FCGR1A: variants seen among roughly 807,000 people sequenced by gnomAD.
FCGR1A encodes the protein high affinity immunoglobulin gamma Fc receptor I.
A neutral mutation model predicts 35.0 loss-of-function variants in FCGR1A; 13 were observed. The observed-to-expected ratio is 0.37, with a 90% CI of 0.24 to 0.59. FCGR1A has a LOEUF of 0.59. Among genes scored for constraint, FCGR1A ranks in the 20% least tolerant of loss-of-function variants. The pLI, the probability that FCGR1A is intolerant of heterozygous loss-of-function variation, is 0.71. For synonymous variants in FCGR1A, 91 were observed against 164.7 expected, an observed-to-expected ratio of 0.55 and a Z score of 3.43; for missense variants, 227 against 430.0, an observed-to-expected ratio of 0.53 and a Z score of 4.17.
chr1:149,784,308 C>G, intron 3 of FCGR1A, 51 bp downstream of exon 3: 1 of 1,610,162 alleles, frequency 6.2e-7, no homozygotes, highest in South Asian at 1.1e-5. Flanking sequence ...TCTTCCTCTG[C>G]GTTCTCTCCT....
At chr1:149,790,693 C>A (rs1332574464) in intron 5 of FCGR1A, among the ~76,000 whole-genome samples, 3 of 150,480 alleles carry the variant, frequency 2.0e-5, no homozygotes, top group East Asian at 2.0e-4. Flanking sequence ...TGCTTCCCTG[C>A]CTCCCTCCTC....
At chr1:149,797,748 C>T in the FCGR1A span, among the ~76,000 whole-genome samples, 1 of 152,158 alleles carries the variant, frequency 6.6e-6, no homozygotes, top group African/African-American at 2.4e-5. Context: ...TAGGCGTGCA[C>T]CACGACATCC....
At position 149,791,359 on chromosome 1, in the gene FCGR1A, T is replaced by G. The variant is rs782114637; in HGVS notation, c.967T>G (p.Trp323Gly). The G allele has an allele frequency of 1.6e-5, 25 of 1,581,058 alleles. 5 individuals carry two copies. Among genetic ancestry groups the G allele is most frequent in the Non-Finnish European group, 2.6e-6 (3 of 1,160,780 alleles). ...TAAAGAACTGAAAAGAAAGAAAAAG[T>G]GGGATTTAGAAATCTCTTTGGATTC... ...IRKELKRKKK[W>G]DLEISLDSGH... Residue 323 changes from tryptophan (W) to glycine (G), a missense_variant, in exon 6 of 6, where the codon TGG becomes GGG. Transcript: ENST00000369168.
chr1:149,790,266 T>C lies in FCGR1A; in HGVS notation c.772T>C (p.Tyr258His). 2 of 1,597,408 alleles carry C rather than the reference T, an allele frequency of 1.3e-6. No homozygotes were observed. The highest frequency in any genetic ancestry group is 1.1e-5 in the South Asian group (1 of 88,526). The change falls in exon 5 of 6, where the codon TAC (tyrosine) becomes CAC (histidine). Residue 258 changes from tyrosine (Y) to histidine (H), a missense_variant. Around this residue, in one of 3 missense-constraint regions of FCGR1A, gnomAD observed 185 missense variants for 306.6 expected, o/e 0.60. Transcript: ENST00000369168. ...TGCTAGAAGAGAAGACTCTGGGTTATACTGGTGCGAGGCTGCCACAGAGGA... is the reference window on the plus strand; with the variant it reads ...TGCTAGAAGAGAAGACTCTGGGTTACACTGGTGCGAGGCTGCCACAGAGGA... ...LTARREDSGLYWCEAATEDGN... is the reference protein window; with the variant it reads ...LTARREDSGLHWCEAATEDGN...
At chr1:149,799,562 C>A in the FCGR1A span, among the ~76,000 whole-genome samples, 1 of 152,092 alleles carries the variant, frequency 6.6e-6, no homozygotes, top group Non-Finnish European at 1.5e-5. Flanking sequence ...ATTGGCAAAT[C>A]TTACTATTCA....
intron 3 of FCGR1A, among the ~76,000 whole-genome samples, chr1:149,784,679 A>G (rs2091492561): frequency 7.1e-6 from 1 of 140,152 alleles, no homozygotes; most frequent in African/African-American, 2.6e-5. Flanking sequence ...ATATGTATAT[A>G]TTAGCATTAT....
downstream of FCGR1A, chr1:149,793,200 G>T: frequency 7.8e-7 from 1 of 1,277,538 alleles, no homozygotes; most frequent in Non-Finnish European, 1.0e-6. Flanking sequence ...CTCCCAGCAG[G>T]CGCCCCATTT....
At chr1:149,787,605 A>C (rs1394873935) in intron 3 of FCGR1A, 12 of 152,324 alleles carry the variant, frequency 7.9e-5, no homozygotes, top group African/African-American at 2.9e-4. Flanking sequence ...TGTGTAACAA[A>C]TTTAGCAACA....
At chr1:149,785,800 T>G (rs1255849941) in intron 3 of FCGR1A, 1 of 152,098 alleles carries the variant, frequency 6.6e-6, no homozygotes, top group Non-Finnish European at 1.5e-5. Flanking sequence ...CCTCAGAAAC[T>G]CCTTCTTGCC....
intron 5 of FCGR1A, 25 bp downstream of exon 5, chr1:149,790,363 C>T: frequency 6.3e-7 from 1 of 1,575,178 alleles, no homozygotes; most frequent in Non-Finnish European, 8.6e-7. Context: ...CGGGAAGCCA[C>T]TGGCACAGAA....
chr1:149,789,393 A>AAATAATAATAATAATAATAATAAT (rs781855250), intron 4 of FCGR1A, among the ~76,000 whole-genome samples: 83 of 148,820 alleles, frequency 5.6e-4, no homozygotes, highest in Admixed American at 8.6e-4. Flanking sequence ...ACTACGTCTC[A>AAATAATAATAATAATAATAATAAT]AATAATAATA....
At chr1:149,787,327 T>C (rs2091579040) in intron 3 of FCGR1A, 1 of 152,194 alleles carries the variant, frequency 6.6e-6, no homozygotes, top group South Asian at 2.1e-4. Context: ...AGAACCCCAT[T>C]TTTACTTAGC....
chr1:149,793,073 G>A (rs587687240), downstream of FCGR1A: 2,638 of 1,275,110 alleles, frequency 2.1e-3, 3 homozygotes, highest in Non-Finnish European at 2.5e-3. Context: ...GCGGCCGTCT[G>A]TGGAGGTTGC....
At chr1:149,791,122 C>T in intron 5 of FCGR1A, 115 bp from the exon 6 acceptor site, 6 of 1,481,944 alleles carry the variant, frequency 4.0e-6, no homozygotes, top group Non-Finnish European at 5.5e-6. Context: ...ATGACCAGTG[C>T]CTCCCTGAGG....
downstream of FCGR1A, chr1:149,793,019 G>A: frequency 2.4e-6 from 3 of 1,264,572 alleles, no homozygotes; most frequent in Non-Finnish European, 3.1e-6. Context: ...CTCCAACCCC[G>A]CCCCGGGCCC....
intron 5 of FCGR1A, among the ~76,000 whole-genome samples, chr1:149,790,612 T>C (rs1348833492): frequency 6.6e-6 from 1 of 150,976 alleles, no homozygotes; most frequent in Non-Finnish European, 1.5e-5. Flanking sequence ...TTTTTCTCCT[T>C]CATTTTATTT....
chr1:149,794,113 A>C (rs2091772157), downstream of FCGR1A: 1 of 462,922 alleles, frequency 2.2e-6, no homozygotes, highest in Admixed American at 2.4e-5. Flanking sequence ...AGTAGAAGCA[A>C]AGAGACCAGT....
intron 4 of FCGR1A, among the ~76,000 whole-genome samples, chr1:149,789,542 G>C (rs1339601802): frequency 1.3e-5 from 2 of 152,328 alleles, no homozygotes; most frequent in South Asian, 2.1e-4. Context: ...GATGGACCTT[G>C]TAGAGCAGGG....
the FCGR1A span, among the ~76,000 whole-genome samples, chr1:149,799,998 A>G: frequency 6.6e-6 from 1 of 152,006 alleles, no homozygotes. Flanking sequence ...GACTGAGTCT[A>G]CCAGACTGCC....
Sources: gnomAD v4.1 joint callset for allele counts (sites outside exome capture counted in the v4.1 genomes callset) on GRCh38, gnomAD v4.1.1 for gene constraint, gnomAD v4.1.1 regional missense constraint, MANE v1.5 for transcripts, NCBI Gene and HGNC (gene_info 2026-07-23, HGNC 2026-07-21) for gene names.